The following STAT6 variants were observed in gnomAD, a reference collection of about 807,000 sequenced individuals.
STAT6 encodes STAT, interleukin4-induced.
A neutral mutation model predicts 106.3 loss-of-function variants in STAT6; 45 were observed. The ratio of observed to expected loss-of-function variants is 0.42; its 90% CI spans 0.33 to 0.54. The LOEUF is 0.54. STAT6 is among the 20% of genes least tolerant of loss of function. The probability of loss-of-function intolerance (pLI) is 0.06; values close to 1 mark genes in which losing one functional copy is unlikely to be tolerated. For missense variants in STAT6, 797 were observed against 1,062.2 expected (o/e 0.75, Z 3.47); for synonymous variants, 413 against 413.6 (o/e 1.00, Z 0.02).
At position 57,106,325 on chromosome 12, in the gene STAT6, T is replaced by C. The variant is rs117195019; in HGVS notation, c.546A>G (p.Leu182=). The change falls in exon 7 of 22, where the codon CTA becomes CTG. Residue 182 remains leucine (L), a synonymous_variant. Coordinates refer to ENST00000300134, the MANE Select transcript of STAT6 (RefSeq NM_003153.5). ...CTAGCTCTCCAGTGGTCTCCTGCAGTAGCATGGCCAGGGCCTATGGGCAGA... is the reference window on the plus strand; with the variant it reads ...CTAGCTCTCCAGTGGTCTCCTGCAGCAGCATGGCCAGGGCCTATGGGCAGA... ...GTGPSEALAM[L]LQETTGELEA... The C allele has an allele frequency of 7.2e-4, 1,158 of 1,614,214 alleles. 14 individuals are homozygous for C. The East Asian group carries it at 0.022, about 31-fold the overall frequency.
rs530984842 is a variant in STAT6 at position 57,100,429 on chromosome 12, G to A, written c.1513-339C>T. On this transcript the variant is annotated intron_variant, in intron 13 of 21. Coordinates refer to ENST00000300134, the MANE Select transcript of STAT6 (RefSeq NM_003153.5). ...AGGCAGAGCTAGGATTTAAACCCAGGCATTCTGGCCCTGGAGCCCCTCTTA... is the reference window on the plus strand; with the variant it reads ...AGGCAGAGCTAGGATTTAAACCCAGACATTCTGGCCCTGGAGCCCCTCTTA... 5.9e-5 allele frequency among the ~76,000 whole-genome samples: 9 copies of A among 152,108 alleles called. No homozygotes were observed. In the South Asian group the frequency reaches 1.9e-3, roughly 32 times the overall value.
chr12:57,110,219 C>G (rs573904016), intron 1 of STAT6: 4 of 152,488 alleles, frequency 2.6e-5, no homozygotes, highest in Non-Finnish European at 5.9e-5. Flanking sequence ...AATATCCAAC[C>G]CCTCTTCTTC....
rs1592539871 is a variant in STAT6 at position 57,096,381 on chromosome 12, G to C, written c.*191C>G. The C allele has an allele frequency of 4.9e-6, 3 of 611,760 alleles. No homozygotes were observed. Among genetic ancestry groups the C allele is most frequent in the Non-Finnish European group, 5.7e-6 (2 of 349,172 alleles). The allele number at this position is 611,760 out of a possible 1,614,324, so 37.9% of individuals were successfully genotyped here. ...GAAGGAGGTGGGCAGGGGAATGATA[G>C]AAAGGAAGGAGTGGATTGGCTCCAC... On this transcript the variant is annotated 3_prime_UTR_variant, in exon 22 of 22. Transcript: ENST00000300134.
Position 57,105,544 on chromosome 12 carries a change from C to T in STAT6, c.736G>A (p.Gly246Ser). 1 of 1,614,064 alleles carries T rather than the reference C, an allele frequency of 6.2e-7. No individual in the cohort carries two copies. The highest frequency in any genetic ancestry group is 8.5e-7 in the Non-Finnish European group (1 of 1,179,968). ...SQLQQEVGAA[G>S]GELEPKTRAS... ...CGGGTCTTGGGCTCAAGCTCCCCAC[C>T]AGCCGCCCCTACCTCCTGCTGTAGC... Residue 246 changes from glycine (G) to serine (S), a missense_variant, in exon 8 of 22, where the codon GGT becomes AGT. Around this residue, in one of 4 missense-constraint regions of STAT6, gnomAD observed 336 missense variants for 429.8 expected, o/e 0.78. Coordinates refer to ENST00000300134, the MANE Select transcript of STAT6 (RefSeq NM_003153.5).
Position 57,107,329 on chromosome 12 carries a change from G to T in STAT6, c.256-15C>A. The T allele has an allele frequency of 6.2e-7, 1 of 1,610,114 alleles. No homozygotes were observed. The highest frequency in any genetic ancestry group is 8.5e-7 in the Non-Finnish European group (1 of 1,176,362). ...TGATATATGCTCTACAGAAATGAGG[G>T]TGGTAAACAGTGAGCTTTGCTCTTA... On this transcript the variant is annotated splice_polypyrimidine_tract_variant and intron_variant, in intron 3 of 21. Coordinates refer to ENST00000300134, the MANE Select transcript of STAT6 (RefSeq NM_003153.5).
Position 57,096,893 on chromosome 12 carries a change from T to C in STAT6, c.2311A>G (p.Ser771Gly), listed in dbSNP as rs758425219. 5.0e-6 allele frequency: 8 copies of C among 1,614,170 alleles called. No homozygotes were observed. Among genetic ancestry groups the C allele is most frequent in the Middle Eastern group, 1.6e-4 (1 of 6,062 alleles). Residue 771 changes from serine to glycine, a missense_variant, in exon 21 of 22, where the codon AGC (serine) becomes GGC (glycine). Transcript: ENST00000300134. The part of the protein sequence containing the change: ...LCSDVTMVED[S>G]CLSQPVTAFP... ...GCTGTCACTGGCTGGCTCAGGCAGC[T>C]GTCTTCCACCATGGTCACATCTGAG...
chr12:57,109,684 G>A lies in STAT6; in HGVS notation c.-21-1385C>T, dbSNP rs370161458. Among the ~76,000 whole-genome samples the A allele has an allele frequency of 4.6e-5, 7 of 152,260 alleles. 1 individual carries two copies. The highest frequency in any genetic ancestry group is 1.7e-4 in the African/African-American group (7 of 41,542). On this transcript the variant is annotated intron_variant, in intron 1 of 21. Transcript: ENST00000300134. ...AGAGCCTAGAAGAGAGAGGAAGCTG[G>A]AGGGCTAGAAGGCAAAGATGAGAGA...
chr12:57,106,742 C>T lies in STAT6; in HGVS notation c.429G>A (p.Glu143=), dbSNP rs374003960. The change falls in exon 5 of 22, where the codon GAG becomes GAA. Residue 143 remains glutamate (E), a synonymous_variant. Transcript: ENST00000300134. ...GCAGGGCTTCTCGGAGAAGGTGGAT[C>T]TCCCCTACTCGGTGCTGCAGCCTCC... is the stretch of plus-strand genomic sequence containing the variant. ...GLRRLQHRVG[E]IHLLREALQK... 79 of 1,614,060 alleles carry T rather than the reference C, an allele frequency of 4.9e-5. No individual in the cohort carries two copies. Among genetic ancestry groups the T allele is most frequent in the Non-Finnish European group, 6.4e-5 (76 of 1,180,042 alleles).
chr12:57,102,557 G>T, intron 12 of STAT6, 61 bp from the exon 13 acceptor site: 1 of 1,553,930 alleles, frequency 6.4e-7, no homozygotes, highest in Non-Finnish European at 8.7e-7. Flanking sequence ...CCTCGGGCCG[G>T]CCTTCATCCC....
intron 1 of STAT6, 36 bp from the exon 2 acceptor site, chr12:57,108,335 C>A: frequency 8.4e-7 from 1 of 1,188,288 alleles, no homozygotes; most frequent in Non-Finnish European, 1.2e-6. Context: ...TGAGGGGTGC[C>A]CAAGAAACTT....
chr12:57,099,698 A>G lies in STAT6; in HGVS notation c.1744+69T>C. ...GGATCGGCATCAGGAAGGTCAGGAC[A>G]TTTCATTCCCAGAAGAAACCCCAGA... is the stretch of plus-strand genomic sequence containing the variant. On this transcript the variant is annotated intron_variant, in intron 15 of 21. Transcript: ENST00000300134. This position sits in a 1 kb window ranked among gnomAD's most constrained non-coding sequence, Gnocchi z 4.7. 1.2e-6 allele frequency: 2 copies of G among 1,601,036 alleles called. No individual in the cohort carries two copies. Among genetic ancestry groups the G allele is most frequent in the South Asian group, 1.1e-5 (1 of 90,078 alleles).
chr12:57,099,437 G>C lies in STAT6; in HGVS notation c.1748C>G (p.Ser583Cys), dbSNP rs768949568. ...TGGCTGGATGTTCTCTATCTGTGGA[G>C]AGCCTATGGTAGGAAGGAGACCCTG... ...IAHVIRGQDG[S>C]PQIENIQPFS... The change falls in exon 16 of 22, where the codon TCT (serine) becomes TGT (cysteine). Residue 583 changes from serine (S) to cysteine (C), a missense_variant. Ser to Cys is a moderately radical substitution (Grantham distance 112). Coordinates refer to ENST00000300134, the MANE Select transcript of STAT6 (RefSeq NM_003153.5). This position sits in a 1 kb window ranked among gnomAD's most constrained non-coding sequence, Gnocchi z 4.7. 6.2e-7 allele frequency: 1 copy of C among 1,614,066 alleles called. No individual in the cohort carries two copies. The highest frequency in any genetic ancestry group is 8.5e-7 in the Non-Finnish European group (1 of 1,180,046).
chr12:57,103,767 A>G (rs978566158), intron 11 of STAT6: 1 of 150,060 alleles, frequency 6.7e-6, no homozygotes, highest in African/African-American at 2.5e-5. Context: ...GGGTTTCACC[A>G]TATTGGCCAG....
At chr12:57,098,484 C>T (rs1218291081) in intron 19 of STAT6, 21 bp downstream of exon 19, 1 of 1,610,486 alleles carries the variant, frequency 6.2e-7, no homozygotes, top group Non-Finnish European at 8.5e-7. Flanking sequence ...GGATGGTATC[C>T]CCATGAGGTT....
At chr12:57,105,675 C>T (rs1028493458) in intron 7 of STAT6, 76 bp from the exon 8 acceptor site, 133 of 1,534,192 alleles carry the variant, frequency 8.7e-5, no homozygotes, top group Non-Finnish European at 1.1e-4. Context: ...CCCCTATACC[C>T]AGGGAGAAAG....
intron 13 of STAT6, chr12:57,100,940 T>C: frequency 2.2e-6 from 1 of 450,850 alleles, no homozygotes; most frequent in Non-Finnish European, 4.4e-6. Context: ...CTCAAAGAGA[T>C]GTTGGGAGGA....
chr12:57,096,517 A>C lies in STAT6; in HGVS notation c.*55T>G. 6.7e-7 allele frequency: 1 copy of C among 1,495,840 alleles called. No individual in the cohort carries two copies. The highest frequency in any genetic ancestry group is 9.0e-7 in the Non-Finnish European group (1 of 1,111,712). 92.7% of individuals were successfully genotyped at this position (1,495,840 alleles called of 1,614,324 possible). On this transcript the variant is annotated 3_prime_UTR_variant, in exon 22 of 22. Transcript: ENST00000300134. ...CAGGGCATGAGCAAGTGTCCAGAGC[A>C]GGTCTGTGGGGGTAGTAGAAGAGCT...
rs760135712 is a variant in STAT6 at position 57,102,540 on chromosome 12, T to G, written c.1306-44A>C. ...AAGAGAGCACTGCAGGCTACCGTCT[T>G]GTTATTCCTCGGGCCGGCCTTCATC... On this transcript the variant is annotated intron_variant, in intron 12 of 21. Coordinates refer to ENST00000300134, the MANE Select transcript of STAT6 (RefSeq NM_003153.5). The G allele has an allele frequency of 6.3e-6, 10 of 1,598,294 alleles. No individual in the cohort carries two copies. The African/African-American group carries it at 6.7e-5, about 11-fold the overall frequency.
At chr12:57,107,811 A>G in intron 2 of STAT6, 68 bp from the exon 3 acceptor site, 1 of 1,598,224 alleles carries the variant, frequency 6.3e-7, no homozygotes, top group Admixed American at 1.7e-5. Flanking sequence ...CCTTTACCCC[A>G]CAGCCAAAAG....
Sources: allele counts gnomAD v4.1 joint callset (sites outside exome capture counted in the v4.1 genomes callset), GRCh38; gene constraint gnomAD v4.1.1; regional missense constraint gnomAD v4.1.1; non-coding constraint Gnocchi (gnomAD v3.1); transcripts MANE v1.5; gene names NCBI Gene and HGNC (gene_info 2026-07-23, HGNC 2026-07-21).